Variants in IFFO1 observed in about 807,000 individuals in gnomAD.
IFFO1 encodes non-homologous end joining factor IFFO1.
IFFO1 carries 42 observed loss-of-function variants against 59.6 expected under a neutral mutation model. The ratio of observed to expected loss-of-function variants is 0.70; its 90% CI spans 0.55 to 0.91. The LOEUF is 0.91. Among genes scored for constraint, IFFO1 ranks in the 40% least tolerant of loss-of-function variants. The pLI is 0.00. For missense variants in IFFO1, 711 were observed against 793.2 expected (o/e 0.90, Z 1.24); for synonymous variants, 336 against 342.8 (o/e 0.98, Z 0.22).
intron 8 of IFFO1, among the ~76,000 whole-genome samples, chr12:6,542,836 G>A (rs557005932): frequency 5.9e-5 from 9 of 152,334 alleles, no homozygotes; most frequent in Admixed American, 2.0e-4. Flanking sequence ...TGGAAGAACC[G>A]GAGTGCAGGG....
In IFFO1 at chr12:6,549,227, T is replaced by C; in HGVS notation, c.1080+249A>G. ...AGCTTTAGGACGCAAGGAGGATGAGTGTGCAATGTGTACAAAAGAGAACCT... is the reference window on the plus strand; with the variant it reads ...AGCTTTAGGACGCAAGGAGGATGAGCGTGCAATGTGTACAAAAGAGAACCT... On this transcript the variant is annotated intron_variant, in intron 5 of 9. Transcript: ENST00000619571. The surrounding 1 kb of genome is among the most constrained non-coding windows in gnomAD (Gnocchi z 5.0). 1.8e-6 allele frequency: 1 copy of C among 570,384 alleles called. No individual in the cohort carries two copies. The highest frequency in any genetic ancestry group is 2.8e-5 in the East Asian group (1 of 35,162). 35.3% of individuals were successfully genotyped at this position (570,384 alleles called of 1,614,324 possible). A position where few individuals can be genotyped will look rare whatever the true frequency, so the allele number is the denominator to read the frequency against.
Position 6,555,811 on chromosome 12 carries a change from G to A in IFFO1, c.219C>T (p.Asn73=), listed in dbSNP as rs1192967778. The change falls in exon 1 of 10, where the codon AAC becomes AAT. Residue 73 remains asparagine (N), a synonymous_variant. Transcript: ENST00000619571. This position sits in a 1 kb window ranked among gnomAD's most constrained non-coding sequence, Gnocchi z 8.6. Reference sequence around the variant, plus strand: ...GGTTCAGGGTCTTGAGCACGTTGATGTTGGAGCCCAGGTCATTGCGGAGGG... The same window carrying A: ...GGTTCAGGGTCTTGAGCACGTTGATATTGGAGCCCAGGTCATTGCGGAGGG... The part of the protein sequence containing the change: ...AMALRNDLGS[N]INVLKTLNLR... 1 of 1,612,466 alleles carries A rather than the reference G, an allele frequency of 6.2e-7. No individual in the cohort carries two copies. Among genetic ancestry groups the A allele is most frequent in the Admixed American group, 1.7e-5 (1 of 59,982 alleles).
Position 6,549,895 on chromosome 12 carries a change from T to G in IFFO1, c.932A>C (p.Asn311Thr). ...LVVFKGLMSN[N>T]LSELDTKIQE... ...GATCTTGGTGTCCAGCTCCGACAGG[T>G]TCTGTCCAGGGAGCCCAGGGAACAG... The change falls in exon 4 of 10, where the codon AAC (asparagine) becomes ACC (threonine). Residue 311 changes from asparagine (N) to threonine (T), a missense_variant and splice_region_variant. By Grantham distance (65) the Asn-to-Thr change is moderately conservative (BLOSUM62 0). Transcript: ENST00000619571. The surrounding 1 kb of genome is among the most constrained non-coding windows in gnomAD (Gnocchi z 5.0). 2 of 1,613,442 alleles carry G rather than the reference T, an allele frequency of 1.2e-6. No homozygotes were observed. The highest frequency in any genetic ancestry group is 1.7e-6 in the Non-Finnish European group (2 of 1,179,518).
chr12:6,554,171 G>C (rs765807220), intron 1 of IFFO1, among the ~76,000 whole-genome samples: 1 of 150,912 alleles, frequency 6.6e-6, no homozygotes, highest in Non-Finnish European at 1.5e-5. Flanking sequence ...TAGACCCAGC[G>C]GTCATTTCCT....
chr12:6,552,060 G>A (rs757940070), intron 1 of IFFO1, among the ~76,000 whole-genome samples: 26 of 152,298 alleles, frequency 1.7e-4, no homozygotes, highest in African/African-American at 5.3e-4. Context: ...CTGTCAACCC[G>A]AGAAGGGAGG....
At chr12:6,551,980 A>G (rs942319048) in intron 1 of IFFO1, 1 of 164,352 alleles carries the variant, frequency 6.1e-6, no homozygotes, top group Non-Finnish European at 1.3e-5. Context: ...CCCGCCCGGC[A>G]TTCCAGGGCC....
chr12:6,541,035 A>AG lies in IFFO1; in HGVS notation c.1611-448_1611-447insC, dbSNP rs1406606640. ...TTGTAGTGAGCCAAAAAAAAAAAAAAAAGAAATAGCTGAAGTCACAGTAGG... is the reference window on the plus strand; with the variant it reads ...TTGTAGTGAGCCAAAAAAAAAAAAAAGAAGAAATAGCTGAAGTCACAGTAGG... On this transcript the variant is annotated intron_variant, in intron 9 of 9. Coordinates refer to ENST00000619571, the MANE Select transcript of IFFO1 (RefSeq NM_001193457.2). The surrounding 1 kb of genome is among the most constrained non-coding windows in gnomAD (Gnocchi z 4.8). Among the ~76,000 whole-genome samples the AG allele has an allele frequency of 6.6e-6, 1 of 151,244 alleles. No homozygotes were observed. Among genetic ancestry groups the AG allele is most frequent in the Admixed American group, 6.6e-5 (1 of 15,208 alleles).
Position 6,549,689 on chromosome 12 carries a change from C to A in IFFO1, c.1071+67G>T. 2 of 1,567,342 alleles carry A rather than the reference C, an allele frequency of 1.3e-6. No individual in the cohort carries two copies. Among genetic ancestry groups the A allele is most frequent in the South Asian group, 1.2e-5 (1 of 85,014 alleles). On this transcript the variant is annotated intron_variant, in intron 4 of 9. Coordinates refer to ENST00000619571, the MANE Select transcript of IFFO1 (RefSeq NM_001193457.2). The surrounding 1 kb of genome is among the most constrained non-coding windows in gnomAD (Gnocchi z 5.0). ...CAGGAGGCAGGGCCTGCGTTCCAGG[C>A]CAGCCGCCACGGAAGCATCCACCTG...
chr12:6,540,599 A>T lies in IFFO1; in HGVS notation c.1611-11T>A. On this transcript the variant is annotated splice_polypyrimidine_tract_variant and intron_variant, in intron 9 of 9. Coordinates refer to ENST00000619571, the MANE Select transcript of IFFO1 (RefSeq NM_001193457.2). ...AAAGCAGGAGACTTTCTAGAAAAAA[A>T]CACCAGTTGTCAACCTTGGGGCAGG... 1 of 1,610,814 alleles carries T rather than the reference A, an allele frequency of 6.2e-7. No homozygotes were observed. The highest frequency in any genetic ancestry group is 8.5e-7 in the Non-Finnish European group (1 of 1,177,692).
Position 6,555,559 on chromosome 12 carries a change from G to C in IFFO1, c.471C>G (p.Gly157=). Reference sequence around the variant, plus strand: ...GGCCGGCCGGGGAGCGCGCGGGCGAGCCCAGCACGCGCGCCGAAGGGCTGC... The same window carrying C: ...GGCCGGCCGGGGAGCGCGCGGGCGACCCCAGCACGCGCGCCGAAGGGCTGC... ...AVCSPSARVL[G]SPARSPAGPL... is the part of the protein sequence containing the mutation. The change falls in exon 1 of 10, where the codon GGC becomes GGG. Residue 157 remains glycine, a synonymous_variant. Transcript: ENST00000619571. The surrounding 1 kb of genome is among the most constrained non-coding windows in gnomAD (Gnocchi z 8.6). 6.7e-7 allele frequency: 1 copy of C among 1,481,720 alleles called. No homozygotes were observed. The highest frequency in any genetic ancestry group is 1.4e-5 in the South Asian group (1 of 73,916). The allele number at this position is 1,481,720 out of a possible 1,614,324, so 91.8% of individuals were successfully genotyped here. A position where few individuals can be genotyped will look rare whatever the true frequency, so the allele number is the denominator to read the frequency against.
rs1947419145 is a variant in IFFO1 at position 6,555,765 on chromosome 12, C to T, written c.265G>A (p.Ala89Thr). 1 of 1,613,108 alleles carries T rather than the reference C, an allele frequency of 6.2e-7. No individual in the cohort carries two copies. The highest frequency in any genetic ancestry group is 1.1e-5 in the South Asian group (1 of 91,050). Residue 89 changes from alanine (A) to threonine (T), a missense_variant, in exon 1 of 10, where the codon GCC becomes ACC. Coordinates refer to ENST00000619571, the MANE Select transcript of IFFO1 (RefSeq NM_001193457.2). This position sits in a 1 kb window ranked among gnomAD's most constrained non-coding sequence, Gnocchi z 8.6. ...TLNLRFRCFL[A>T]KVHELERRNR... Reference sequence around the variant, plus strand: ...CGGCGCTCCAGCTCATGCACCTTGGCCAGGAAGCAGCGGAACCGGAGGTTC... The same window carrying T: ...CGGCGCTCCAGCTCATGCACCTTGGTCAGGAAGCAGCGGAACCGGAGGTTC...
At chr12:6,544,242 C>T (rs1168369077) in intron 8 of IFFO1, among the ~76,000 whole-genome samples, 3 of 150,964 alleles carry the variant, frequency 2.0e-5, no homozygotes, top group South Asian at 4.2e-4. Context: ...TCTCAGCTCA[C>T]TGCAGCCTCC....
Position 6,540,178 on chromosome 12 carries a change from G to C in IFFO1, c.*305C>G, listed in dbSNP as rs1348769019. ...CATTCCTGATACGTGGACAAGGTGA[G>C]GGGCCGCAATCGCTCTGGCAGCATT... On this transcript the variant is annotated 3_prime_UTR_variant, in exon 10 of 10. Transcript: ENST00000619571. 3 of 485,294 alleles carry C rather than the reference G, an allele frequency of 6.2e-6. No homozygotes were observed. Among genetic ancestry groups the C allele is most frequent in the South Asian group, 4.6e-5 (2 of 43,854 alleles). The allele number at this position is 485,294 out of a possible 1,614,324, so 30.1% of individuals were successfully genotyped here. A position where few individuals can be genotyped will look rare whatever the true frequency, so the allele number is the denominator to read the frequency against.
Position 6,549,607 on chromosome 12 carries a change from C to A in IFFO1, c.1072-123G>T. 1 of 1,346,630 alleles carries A rather than the reference C, an allele frequency of 7.4e-7. No individual in the cohort carries two copies. The highest frequency in any genetic ancestry group is 1.1e-6 in the Non-Finnish European group (1 of 950,400). The allele number at this position is 1,346,630 out of a possible 1,614,324, so 83.4% of individuals were successfully genotyped here. On this transcript the variant is annotated intron_variant, in intron 4 of 9. Transcript: ENST00000619571. This position sits in a 1 kb window ranked among gnomAD's most constrained non-coding sequence, Gnocchi z 5.0. Reference sequence around the variant, plus strand: ...CCACGATGCCCCTCCTGATGCTGCTCCTTACCCCCCAGTCTAGCCCCGTGA... The same window carrying A: ...CCACGATGCCCCTCCTGATGCTGCTACTTACCCCCCAGTCTAGCCCCGTGA...
rs1047762696 is a variant in IFFO1, at chr12:6,553,464, C to T, written c.773+1793G>A. Among the ~76,000 whole-genome samples the T allele has an allele frequency of 7.2e-5, 11 of 152,194 alleles. 1 individual carries two copies. The highest frequency in any genetic ancestry group is 3.3e-4 in the Admixed American group (5 of 15,302). ...AGCAGGCTGGTTCTGGGTGGCAGAA[C>T]GATGATTTCAGGACAACTGAAACTC... is the stretch of plus-strand genomic sequence containing the variant. On this transcript the variant is annotated intron_variant, in intron 1 of 9. Coordinates refer to ENST00000619571, the MANE Select transcript of IFFO1 (RefSeq NM_001193457.2).
At chr12:6,554,945 G>A (rs1435186421) in intron 1 of IFFO1, among the ~76,000 whole-genome samples, 1 of 152,216 alleles carries the variant, frequency 6.6e-6, no homozygotes, top group Non-Finnish European at 1.5e-5. Context: ...GCTGAGACCG[G>A]TAGGGCAGAG....
Position 6,548,820 on chromosome 12 carries a change from T to A in IFFO1, c.1110A>T (p.Pro370=). Residue 370 remains proline, a synonymous_variant, in exon 6 of 10, where the codon CCA becomes CCT. Coordinates refer to ENST00000619571, the MANE Select transcript of IFFO1 (RefSeq NM_001193457.2). The surrounding 1 kb of genome is among the most constrained non-coding windows in gnomAD (Gnocchi z 6.1). The part of the protein sequence containing the change: ...LSLHLSPIKV[P]SMGGRKRERK... ...GCTCCCGCTTCCGCCCCCCCATGGA[T>A]GGGACCTTAATGGGAGACAAGTGCA... The A allele has an allele frequency of 6.2e-7, 1 of 1,612,446 alleles. No individual in the cohort carries two copies. The highest frequency in any genetic ancestry group is 8.5e-7 in the Non-Finnish European group (1 of 1,179,520).
chr12:6,551,145 T>A, intron 1 of IFFO1, 144 bp from the exon 2 acceptor site: 1 of 803,194 alleles, frequency 1.2e-6, no homozygotes, highest in Non-Finnish European at 2.0e-6. Flanking sequence ...CAGGAATGCC[T>A]GGCCAGCCAG....
chr12:6,550,829 G>A (rs376803395), intron 2 of IFFO1, 39 bp from the exon 3 acceptor site: 136 of 1,604,488 alleles, frequency 8.5e-5, no homozygotes, highest in African/African-American at 2.9e-4. Flanking sequence ...TGGCACTGCC[G>A]AGGTGGGAGG....
Sources: allele counts gnomAD v4.1 joint callset (sites outside exome capture counted in the v4.1 genomes callset), GRCh38; gene constraint gnomAD v4.1.1; non-coding constraint Gnocchi (gnomAD v3.1); transcripts MANE v1.5; gene names NCBI Gene and HGNC (gene_info 2026-07-23, HGNC 2026-07-21).